Variants in PLEC observed in about 807,000 individuals in gnomAD.
The protein encoded by PLEC is plectin, also known as hemidesmosomal protein 1.
In PLEC, 216 loss-of-function variants were observed where a neutral mutation model predicts 392.8. The ratio of observed to expected loss-of-function variants is 0.55; its 90% confidence interval spans 0.49 to 0.62. The LOEUF (loss-of-function observed/expected upper bound fraction) is 0.62, where lower values mean the gene tolerates loss of function less well. Ranked by LOEUF, PLEC falls within the 20% of genes least tolerant of loss-of-function variation. The pLI is 0.00. For synonymous variants in PLEC, 3,621 were observed against 2,980.6 expected (o/e 1.21, Z -7.00); for missense variants, 6,863 against 6,563.4 (o/e 1.05, Z -1.58).
In PLEC at chr8:143,915,937, A is replaced by T; in HGVS notation, c.*240T>A. On this transcript the variant is annotated 3_prime_UTR_variant, in exon 32 of 32. Coordinates refer to ENST00000345136, the MANE Select transcript of PLEC (RefSeq NM_201384.3). ...CAAGGCACCTGGCTGTGTGAGTGGC[A>T]GGTAGAAGGGAGTGAGGAGACCCGA... 2.8e-6 allele frequency: 1 copy of T among 361,128 alleles called. No homozygotes were observed. Among genetic ancestry groups the T allele is most frequent in the Non-Finnish European group, 5.0e-6 (1 of 201,056 alleles). The allele number at this position is 361,128 out of a possible 1,614,324, so 22.4% of individuals were successfully genotyped here.
At chr8:143,955,095 C>T (rs1230243756), upstream of PLEC, among the ~76,000 whole-genome samples, 1 of 152,174 alleles carries the variant, frequency 6.6e-6, no homozygotes, top group African/African-American at 2.4e-5. Context: ...CGTCCCTGCC[C>T]TCCCTGGGAC....
At chr8:143,955,867 C>T (rs1212938437), upstream of PLEC, among the ~76,000 whole-genome samples, 6 of 151,718 alleles carry the variant, frequency 4.0e-5, no homozygotes, top group Middle Eastern at 6.8e-3. Flanking sequence ...GCTGGAATTA[C>T]AAGTGTGAGC....
Position 143,934,863 on chromosome 8 carries a change from G to A in PLEC, c.892C>T (p.His298Tyr), listed in dbSNP as rs1828550132. ...CTGCGTTCCTCAAAGGCGGCCGTGT[G>A]GTGTCGCATCCACTGAAGCAGCAGC... ...VLLLLQWMRH[H>Y]TAAFEERRFP... Residue 298 changes from histidine (H) to tyrosine (Y), a missense_variant, in exon 9 of 32, where the codon CAC (histidine) becomes TAC (tyrosine). Transcript: ENST00000345136. 6.2e-7 allele frequency: 1 copy of A among 1,611,410 alleles called. No homozygotes were observed. The highest frequency in any genetic ancestry group is 8.5e-7 in the Non-Finnish European group (1 of 1,179,790).
rs374722104 is a variant in PLEC at position 143,937,153 on chromosome 8, G to A, written c.342+12C>T. ...GTCTGGGTGGGGCCCAGGGCCTGCCGGGCAGCCTTACCTGGCGGTGCCGGA... is the reference window on the plus strand; with the variant it reads ...GTCTGGGTGGGGCCCAGGGCCTGCCAGGCAGCCTTACCTGGCGGTGCCGGA... On this transcript the variant is annotated intron_variant, in intron 4 of 31. Coordinates refer to ENST00000345136, the MANE Select transcript of PLEC (RefSeq NM_201384.3). The A allele has an allele frequency of 1.0e-4, 161 of 1,611,354 alleles. No homozygotes were observed. The highest frequency in any genetic ancestry group is 1.7e-4 in the Middle Eastern group (1 of 6,054).
rs201199272 is a variant in PLEC, at chr8:143,920,694, C to A, written c.9127G>T (p.Ala3043Ser). ...EAGQKLSIYNALKKDLLPSDM... is the reference protein window; with the variant it reads ...EAGQKLSIYNSLKKDLLPSDM... ...GATGGCAGCAGGTCTTTCTTCAGGG[C>A]ATTGTAGATACTCAGCTTCTGCCCC... Residue 3043 changes from alanine to serine, a missense_variant, in exon 32 of 32, where the codon GCC (alanine) becomes TCC (serine). Transcript: ENST00000345136. 6.2e-7 allele frequency: 1 copy of A among 1,602,712 alleles called. No individual in the cohort carries two copies. Among genetic ancestry groups the A allele is most frequent in the Non-Finnish European group, 8.5e-7 (1 of 1,179,894 alleles).
chr8:143,944,750 C>T (rs1831188244), intron 1 of PLEC: 18 of 1,262,994 alleles, frequency 1.4e-5, no homozygotes, highest in Non-Finnish European at 1.7e-5. Flanking sequence ...GCACAAGCCA[C>T]TGGCGGCAGC....
rs1368961679 is a variant in PLEC, at chr8:143,934,645, T to C, written c.1031A>G (p.Gln344Arg). The C allele has an allele frequency of 7.4e-6, 12 of 1,613,036 alleles. No individual in the cohort carries two copies. Among genetic ancestry groups the C allele is most frequent in the Non-Finnish European group, 1.0e-5 (12 of 1,179,870 alleles). ...ADKNRSKGIYQSLEGAVQAGQ... is the reference protein window; with the variant it reads ...ADKNRSKGIYRSLEGAVQAGQ... ...AGCGGTCCCACTCACCTCCAGGGAT[T>C]GGTAGATGCCCTTGGACCTGTTCTT... The change falls in exon 10 of 32, where the codon CAA becomes CGA. Residue 344 changes from glutamine (Q) to arginine (R), a missense_variant. Transcript: ENST00000345136.
chr8:143,959,301 G>T (rs943881250), intron 1 of PLEC, among the ~76,000 whole-genome samples: 5 of 152,226 alleles, frequency 3.3e-5, no homozygotes, highest in Non-Finnish European at 4.4e-5. Flanking sequence ...TAAAAGACCC[G>T]AGAGATTTCT....
intron 1 of PLEC, among the ~76,000 whole-genome samples, chr8:143,959,404 G>C (rs1482827975): frequency 2.0e-5 from 3 of 152,260 alleles, no homozygotes; most frequent in Non-Finnish European, 4.4e-5. Context: ...CGATCGGTCA[G>C]AGCTGATGCA....
Position 143,923,112 on chromosome 8 carries a change from T to C in PLEC, c.6817A>G (p.Met2273Val). 1 of 1,605,310 alleles carries C rather than the reference T, an allele frequency of 6.2e-7. No individual in the cohort carries two copies. The highest frequency in any genetic ancestry group is 8.5e-7 in the Non-Finnish European group (1 of 1,179,826). The change falls in exon 31 of 32, where the codon ATG becomes GTG. Residue 2273 changes from methionine (M) to valine (V), a missense_variant. Coordinates refer to ENST00000345136, the MANE Select transcript of PLEC (RefSeq NM_201384.3). Reference protein sequence around the residue: ...QRFLQEEAEKMKQVAEEAARL... With the variant: ...QRFLQEEAEKVKQVAEEAARL... ...GCGGCCTCCTCCGCCACCTGCTTCA[T>C]CTTCTCAGCCTCCTCCTGCAGGAAG...
chr8:143,938,822 C>T, intron 1 of PLEC, 130 bp from the exon 2 acceptor site: 1 of 801,400 alleles, frequency 1.2e-6, no homozygotes, highest in African/African-American at 1.7e-5. Context: ...TCCCTCAGAT[C>T]ACACACTGAG....
chr8:143,935,308 A>C lies in PLEC; in HGVS notation c.608T>G (p.Leu203Arg). The change falls in exon 7 of 32, where the codon CTG (leucine) becomes CGG (arginine). Residue 203 changes from leucine to arginine, a missense_variant. By Grantham distance (102) the Leu-to-Arg change is moderately radical. Coordinates refer to ENST00000345136, the MANE Select transcript of PLEC (RefSeq NM_201384.3). Reference protein sequence around the residue: ...FNAIIHRHKPLLIDMNKVYRQ... With the variant: ...FNAIIHRHKPRLIDMNKVYRQ... Reference sequence around the variant, plus strand: ...GTACACCTTGTTCATGTCGATGAGCAGGGGCCTGGGACAAGCAGGTGGCTG... The same window carrying C: ...GTACACCTTGTTCATGTCGATGAGCCGGGGCCTGGGACAAGCAGGTGGCTG... The C allele has an allele frequency of 6.2e-7, 1 of 1,602,522 alleles. No homozygotes were observed. The highest frequency in any genetic ancestry group is 1.1e-5 in the South Asian group (1 of 90,944).
rs367623506 is a variant in PLEC, at chr8:143,934,852, G to A, written c.903C>T (p.Ala301=). 2.0e-5 allele frequency: 33 copies of A among 1,611,496 alleles called. No homozygotes were observed. In the East Asian group the frequency reaches 2.2e-4, roughly 11 times the overall value. Residue 301 remains alanine (A), a synonymous_variant, in exon 9 of 32, where the codon GCC becomes GCT. Transcript: ENST00000345136. ...TGGAGGGGAACCTGCGTTCCTCAAA[G>A]GCGGCCGTGTGGTGTCGCATCCACT... ...LLQWMRHHTA[A]FEERRFPSSF...
Position 143,935,010 on chromosome 8 carries a change from C to A in PLEC, c.825+1G>T. 1.2e-6 allele frequency: 2 copies of A among 1,612,396 alleles called. No homozygotes were observed. Among genetic ancestry groups the A allele is most frequent in the Non-Finnish European group, 1.7e-6 (2 of 1,179,730 alleles). On this transcript the variant is annotated splice_donor_variant, in intron 8 of 31. Coordinates refer to ENST00000345136, the MANE Select transcript of PLEC (RefSeq NM_201384.3). LOFTEE classifies it high-confidence loss of function. ...CCCTGCCCTCCGGGCCCCCCACTCACGTTGGCCCTCACCCCATCCTGCACG... is the reference window on the plus strand; with the variant it reads ...CCCTGCCCTCCGGGCCCCCCACTCAAGTTGGCCCTCACCCCATCCTGCACG...
At chr8:143,966,876 C>G (rs985138262) in intron 1 of PLEC, among the ~76,000 whole-genome samples, 5 of 152,184 alleles carry the variant, frequency 3.3e-5, no homozygotes, top group Non-Finnish European at 5.9e-5. Context: ...ATCGAGCCTC[C>G]TTGAACATCT....
chr8:143,945,735 AC>A (rs1318028667), intron 1 of PLEC, among the ~76,000 whole-genome samples: 1 of 151,990 alleles, frequency 6.6e-6, no homozygotes, highest in Non-Finnish European at 1.5e-5. Context: ...GGCACAGTGA[AC>A]CAGCCTGGCC....
Position 143,973,353 on chromosome 8 carries a change from G to C in PLEC, c.70+50C>G, listed in dbSNP as rs1833531400. 1 of 1,541,316 alleles carries C rather than the reference G, an allele frequency of 6.5e-7. No homozygotes were observed. The highest frequency in any genetic ancestry group is 1.9e-5 in the Admixed American group (1 of 51,690). Reference sequence around the variant, plus strand: ...CACCGTGGACGACAAGGTGCTCGGCGGCTGGGCTGTCAGGAGCGGCCCGAC... The same window carrying C: ...CACCGTGGACGACAAGGTGCTCGGCCGCTGGGCTGTCAGGAGCGGCCCGAC... On this transcript the variant is annotated intron_variant, in intron 1 of 31. Transcript: ENST00000356346. The surrounding 1 kb of genome is among the most constrained non-coding windows in gnomAD (Gnocchi z 5.6).
Position 143,916,736 on chromosome 8 carries a change from G to C in PLEC, c.13085C>G (p.Pro4362Arg). Residue 4362 changes from proline (P) to arginine (R), a missense_variant, in exon 32 of 32, where the codon CCA becomes CGA. By Grantham distance (103) the Pro-to-Arg change is moderately radical. Transcript: ENST00000345136. ...GGCCGACATCTTGGTCTTGGTGCGT[G>C]GGTCCTCGAAGCCGCAGAAGGCCTT... ...AQKAFCGFED[P>R]RTKTKMSAAQ... 6.2e-7 allele frequency: 1 copy of C among 1,613,132 alleles called. No homozygotes were observed. The highest frequency in any genetic ancestry group is 2.2e-5 in the East Asian group (1 of 44,868).
Position 143,917,701 on chromosome 8 carries a change from G to A in PLEC, c.12120C>T (p.Ile4040=). Residue 4040 remains isoleucine (I), a synonymous_variant, in exon 32 of 32, where the codon ATC becomes ATT. Transcript: ENST00000345136. The part of the protein sequence containing the change: ...KKGLILKDHG[I]RLLEAQIATG... ...TGGCGATCTGGGCCTCCAGCAGGCG[G>A]ATGCCATGGTCCTTCAGGATCAGGC... 6.2e-7 allele frequency: 1 copy of A among 1,613,538 alleles called. No individual in the cohort carries two copies.
Sources: gnomAD v4.1 joint callset for allele counts (sites outside exome capture counted in the v4.1 genomes callset) on GRCh38, gnomAD v4.1.1 for gene constraint, Gnocchi (gnomAD v3.1) non-coding constraint, MANE v1.5 for transcripts, NCBI Gene and HGNC (gene_info 2026-07-23, HGNC 2026-07-21) for gene names.